The following TCF20 variants were observed in gnomAD, a reference collection of about 807,000 sequenced individuals.
TCF20 encodes the protein transcription factor 20.
Under a neutral mutation model 148.6 loss-of-function variants are expected in TCF20, and 3 were observed. The ratio of observed to expected loss-of-function variants is 0.02; its 90% CI spans 0.01 to 0.05. The LOEUF is 0.05. TCF20 is among the 10% of genes least tolerant of loss of function. TCF20 has a pLI of 1.00. For synonymous variants in TCF20, 1,049 were observed against 909.5 expected, an observed-to-expected ratio of 1.15 and a Z score of -2.76; for missense variants, 2,350 against 2,429.3, an observed-to-expected ratio of 0.97 and a Z score of 0.69.
chr22:42,268,648 T>C (rs1926422736), intron 1 of TCF20, among the ~76,000 whole-genome samples: 2 of 152,220 alleles, frequency 1.3e-5, no homozygotes, highest in Non-Finnish European at 2.9e-5. Flanking sequence ...TGAGCCAACA[T>C]ACACAGACCC....
chr22:42,280,357 CA>C (rs759517227), intron 1 of TCF20, among the ~76,000 whole-genome samples: 5 of 152,218 alleles, frequency 3.3e-5, no homozygotes, highest in Admixed American at 1.3e-4. Context: ...CAGCCCCAGG[CA>C]GCTCATTTAC....
At chr22:42,275,391 T>C (rs116799220), upstream of TCF20, among the ~76,000 whole-genome samples, 1,856 of 152,238 alleles carry the variant, frequency 0.012, 35 homozygotes, top group African/African-American at 0.042. Flanking sequence ...CACCTGAGGA[T>C]AGGCCAAGAA....
rs1311316048 is a variant in TCF20 at position 42,290,789 on chromosome 22, G to A, written c.-37+52690C>T. Among the ~76,000 whole-genome samples the A allele has an allele frequency of 6.6e-6, 1 of 152,214 alleles. No homozygotes were observed. The highest frequency in any genetic ancestry group is 2.4e-5 in the African/African-American group (1 of 41,468). ...CAATTCAAGGCAATTCAAGGACGAG[G>A]TCAGCCTCCCAGAGCACACAGGGGC... On this transcript the variant is annotated intron_variant, in intron 1 of 1. Coordinates refer to the TCF20 transcript ENST00000515426. This position sits in a 1 kb window ranked among gnomAD's most constrained non-coding sequence, Gnocchi z 4.2.
chr22:42,277,499 C>G (rs1401512789), intron 1 of TCF20, among the ~76,000 whole-genome samples: 2 of 152,160 alleles, frequency 1.3e-5, no homozygotes, highest in Non-Finnish European at 2.9e-5. Context: ...AGGAAGTAAC[C>G]ACATGGTGAA....
intron 5 of TCF20, among the ~76,000 whole-genome samples, chr22:42,166,515 G>A (rs564072716): frequency 3.3e-5 from 5 of 152,036 alleles, no homozygotes; most frequent in East Asian, 1.9e-4. Context: ...GGGCTGAGGC[G>A]GGAGAATCGC....
intron 1 of TCF20, among the ~76,000 whole-genome samples, chr22:42,310,593 G>A (rs888223338): frequency 2.6e-5 from 4 of 152,212 alleles, no homozygotes; most frequent in African/African-American, 4.8e-5. Context: ...GAGGAAAGGA[G>A]TATGGCTCGT....
At chr22:42,267,937 G>A (rs1206992709) in intron 1 of TCF20, among the ~76,000 whole-genome samples, 2 of 152,158 alleles carry the variant, frequency 1.3e-5, no homozygotes, top group Non-Finnish European at 2.9e-5. Context: ...CCTGAGGTCA[G>A]GAGTTCAAGA....
rs566487636 is a variant in TCF20 at position 42,171,766 on chromosome 22, G to C, written c.5750-1870C>G. Reference sequence around the variant, plus strand: ...CTTCTTACCTGGGCTCTGGCAGCAAGCACTATGCTGGCTTAGTCTCTAGTT... The same window carrying C: ...CTTCTTACCTGGGCTCTGGCAGCAACCACTATGCTGGCTTAGTCTCTAGTT... On this transcript the variant is annotated intron_variant, in intron 3 of 5. Transcript: ENST00000677622. Among the ~76,000 whole-genome samples the C allele has an allele frequency of 4.1e-4, 63 of 152,338 alleles. 1 individual carries two copies. The highest frequency in any genetic ancestry group is 5.6e-4 in the Non-Finnish European group (38 of 68,034).
intron 2 of TCF20, among the ~76,000 whole-genome samples, chr22:42,204,593 C>T (rs1347508668): frequency 6.6e-6 from 1 of 152,080 alleles, no homozygotes; most frequent in Non-Finnish European, 1.5e-5. Flanking sequence ...GCCTGTAATC[C>T]CAGCACTTTG....
chr22:42,292,609 AT>A lies in TCF20; in HGVS notation c.-37+50869del, dbSNP rs1276684456. Among the ~76,000 whole-genome samples, 2 of 152,096 alleles carry A rather than the reference AT, an allele frequency of 1.3e-5. No homozygotes were observed. The highest frequency in any genetic ancestry group is 1.3e-4 in the Admixed American group (2 of 15,270). On this transcript the variant is annotated intron_variant, in intron 1 of 1. Transcript: ENST00000515426. This position sits in a 1 kb window ranked among gnomAD's most constrained non-coding sequence, Gnocchi z 4.9. The stretch of plus-strand genomic sequence containing the variant: ...GTGGGCAGCACGGTGGCCTGGATAA[AT>A]CCCAGAAGGCATCCCAGAAGAGGGG...
intron 2 of TCF20, among the ~76,000 whole-genome samples, chr22:42,182,732 G>C (rs2147103174): frequency 6.6e-6 from 1 of 152,310 alleles, no homozygotes; most frequent in East Asian, 1.9e-4. Flanking sequence ...CAGAAATGCA[G>C]TTTTGTTTTT....
intron 3 of TCF20, among the ~76,000 whole-genome samples, chr22:42,174,769 C>G (rs747919441): frequency 1.3e-5 from 2 of 151,802 alleles, no homozygotes; most frequent in Non-Finnish European, 2.9e-5. Flanking sequence ...GGCGCGGTGG[C>G]TCACGCCTGT....
chr22:42,194,419 T>A (rs889668940), intron 2 of TCF20, among the ~76,000 whole-genome samples: 1 of 152,220 alleles, frequency 6.6e-6, no homozygotes, highest in Admixed American at 6.5e-5. Context: ...AAAACATTAG[T>A]AGTTGATACA....
intron 1 of TCF20, among the ~76,000 whole-genome samples, chr22:42,264,080 A>G (rs1419181161): frequency 2.0e-5 from 3 of 152,082 alleles, no homozygotes; most frequent in African/African-American, 7.2e-5. Context: ...GCTGGGAAAG[A>G]CTGAGAGGAT....
chr22:42,331,722 G>A (rs971975363), intron 1 of TCF20, among the ~76,000 whole-genome samples: 5 of 152,250 alleles, frequency 3.3e-5, no homozygotes, highest in Admixed American at 2.6e-4. Context: ...ACTGGGGGTG[G>A]TGCAGAACCT....
intron 1 of TCF20, among the ~76,000 whole-genome samples, chr22:42,289,413 T>C (rs1249552173): frequency 2.0e-5 from 3 of 152,098 alleles, no homozygotes; most frequent in Non-Finnish European, 4.4e-5. Flanking sequence ...GTAGAATTAT[T>C]AACAATAATC....
At chr22:42,183,487 T>C (rs557150287) in intron 2 of TCF20, among the ~76,000 whole-genome samples, 9 of 152,144 alleles carry the variant, frequency 5.9e-5, no homozygotes, top group African/African-American at 2.2e-4. Context: ...AGCAGGGTCA[T>C]AGGTGCAATG....
intron 1 of TCF20, among the ~76,000 whole-genome samples, chr22:42,255,001 G>C (rs1925650390): frequency 7.1e-6 from 1 of 140,606 alleles, no homozygotes; most frequent in Non-Finnish European, 1.5e-5. Context: ...AACATGATTA[G>C]AGGTGAGAGT....
intron 2 of TCF20, among the ~76,000 whole-genome samples, chr22:42,186,668 C>T (rs192837084): frequency 1.3e-5 from 2 of 152,248 alleles, no homozygotes; most frequent in East Asian, 1.9e-4. Context: ...TCATCTCCGA[C>T]GGTGTGGAAG....
Sources: allele counts gnomAD v4.1 joint callset (sites outside exome capture counted in the v4.1 genomes callset), GRCh38; gene constraint gnomAD v4.1.1; non-coding constraint Gnocchi (gnomAD v3.1); transcripts MANE v1.5; gene names NCBI Gene and HGNC (gene_info 2026-07-23, HGNC 2026-07-21).